RNLS: variants seen among roughly 807,000 people sequenced by gnomAD.
RNLS encodes renalase.
A neutral mutation model predicts 39.8 loss-of-function variants in RNLS; 39 were observed. The observed-to-expected ratio is 0.98, with a 90% CI of 0.76 to 1.28. The LOEUF is 1.28. Ranked by LOEUF, RNLS falls within the 50% of genes most tolerant of loss-of-function variation. The pLI is 0.00. For missense variants in RNLS, 410 were observed against 413.3 expected (o/e 0.99, Z 0.07); for synonymous variants, 147 against 150.7 (o/e 0.98, Z 0.18).
the RNLS span, among the ~76,000 whole-genome samples, chr10:88,216,209 G>T: frequency 1.3e-4 from 20 of 152,156 alleles, no homozygotes; most frequent in Admixed American, 3.3e-4. Flanking sequence ...TTAATAATAG[G>T]CTCCAAGTCT....
downstream of RNLS, among the ~76,000 whole-genome samples, chr10:88,283,825 G>A (rs138749870): frequency 6.8e-3 from 1,033 of 152,206 alleles, 16 homozygotes; most frequent in South Asian, 0.046. Context: ...GAGGGTGGGA[G>A]GGAGGAGAGG....
At chr10:88,425,181 C>T (rs938185684) in intron 4 of RNLS, among the ~76,000 whole-genome samples, 6 of 152,046 alleles carry the variant, frequency 3.9e-5, no homozygotes, top group East Asian at 1.9e-4. Context: ...TCTTTCCCCA[C>T]GCTTCATCAG....
At chr10:88,485,642 C>CAAAAAAAAAA (rs11366047) in intron 4 of RNLS, among the ~76,000 whole-genome samples, 1 of 104,856 alleles carries the variant, frequency 9.5e-6, no homozygotes. Flanking sequence ...AATGAAAAAC[C>CAAAAAAAAAA]AAAAAAAAAA....
At chr10:88,202,958 A>C in the RNLS span, among the ~76,000 whole-genome samples, 1 of 151,912 alleles carries the variant, frequency 6.6e-6, no homozygotes, top group African/African-American at 2.4e-5. Flanking sequence ...CTGCAGTTTA[A>C]ACTGCTCTTG....
intron 4 of RNLS, among the ~76,000 whole-genome samples, chr10:88,485,394 G>A (rs1310967677): frequency 1.3e-5 from 2 of 151,616 alleles, no homozygotes; most frequent in African/African-American, 4.8e-5. Context: ...GGAACAACTG[G>A]ATATCCATAT....
chr10:88,338,848 GCCT>G (rs2099100472), intron 5 of RNLS, among the ~76,000 whole-genome samples: 1 of 140,806 alleles, frequency 7.1e-6, no homozygotes, highest in Admixed American at 7.8e-5. Context: ...TGCAAGCTCC[GCCT>G]CCCGGGCTCA....
the RNLS span, among the ~76,000 whole-genome samples, chr10:88,196,819 T>C: frequency 1.3e-5 from 2 of 152,340 alleles, no homozygotes; most frequent in South Asian, 2.1e-4. Flanking sequence ...TACTCAGTAA[T>C]AGCCAATTGA....
At chr10:88,443,286 C>G (rs527283553) in intron 4 of RNLS, among the ~76,000 whole-genome samples, 1 of 152,324 alleles carries the variant, frequency 6.6e-6, no homozygotes, top group South Asian at 2.1e-4. Flanking sequence ...ACACCACCCT[C>G]CTGAAAATCC....
intron 4 of RNLS, among the ~76,000 whole-genome samples, chr10:88,567,741 C>T (rs964072464): frequency 2.6e-5 from 4 of 152,222 alleles, no homozygotes; most frequent in African/African-American, 9.6e-5. Flanking sequence ...ATTATTTCTG[C>T]ATAGTAGAAA....
At chr10:88,480,317 CT>C (rs1488857752) in intron 4 of RNLS, among the ~76,000 whole-genome samples, 1 of 152,206 alleles carries the variant, frequency 6.6e-6, no homozygotes, top group Non-Finnish European at 1.5e-5. Context: ...ATAATTACCC[CT>C]TAGGGGAAAT....
chr10:88,482,501 TC>T (rs1440917750), intron 4 of RNLS, among the ~76,000 whole-genome samples: 1 of 152,176 alleles, frequency 6.6e-6, no homozygotes, highest in Non-Finnish European at 1.5e-5. Context: ...AATTCTTTTT[TC>T]TTTTTATAAC....
intron 5 of RNLS, among the ~76,000 whole-genome samples, chr10:88,319,859 C>T (rs1316417471): frequency 6.6e-6 from 1 of 152,002 alleles, no homozygotes; most frequent in Non-Finnish European, 1.5e-5. Context: ...ACCTGGAAAA[C>T]ATATTGGAGA....
At chr10:88,350,602 G>A (rs1409227779) in intron 5 of RNLS, among the ~76,000 whole-genome samples, 1 of 152,138 alleles carries the variant, frequency 6.6e-6, no homozygotes, top group Non-Finnish European at 1.5e-5. Flanking sequence ...TGGTGTATAT[G>A]TGCCACATTT....
At chr10:88,443,216 T>A (rs182527865) in intron 4 of RNLS, among the ~76,000 whole-genome samples, 18 of 152,332 alleles carry the variant, frequency 1.2e-4, no homozygotes, top group East Asian at 3.9e-4. Context: ...TGCAATCCAA[T>A]TTTTTACATT....
chr10:88,238,318 C>G, the RNLS span, among the ~76,000 whole-genome samples: 1 of 152,218 alleles, frequency 6.6e-6, no homozygotes, highest in Non-Finnish European at 1.5e-5. Flanking sequence ...GCCTCCCCAG[C>G]TTCCCAGAGC....
At chr10:88,466,323 C>G (rs1219180712) in intron 4 of RNLS, among the ~76,000 whole-genome samples, 1 of 152,084 alleles carries the variant, frequency 6.6e-6, no homozygotes, top group Admixed American at 6.6e-5. Flanking sequence ...TAGCTCACAC[C>G]TGCAATCCCA....
intron 5 of RNLS, among the ~76,000 whole-genome samples, chr10:88,318,266 C>A (rs565803552): frequency 2.6e-5 from 4 of 152,164 alleles, no homozygotes; most frequent in Non-Finnish European, 5.9e-5. Flanking sequence ...GAGATCTCAC[C>A]CTTGGTGGGC....
Position 88,284,300 on chromosome 10 carries a change from T to C in RNLS, c.*1054A>G, listed in dbSNP as rs949595047. The C allele has an allele frequency of 3.0e-6, 3 of 985,240 alleles. No homozygotes were observed. The African/African-American group carries it at 5.2e-5, about 17-fold the overall frequency. The allele number at this position is 985,240 out of a possible 1,614,324, so 61.0% of individuals were successfully genotyped here. On this transcript the variant is annotated 3_prime_UTR_variant, in exon 7 of 7. Coordinates refer to ENST00000331772, the MANE Select transcript of RNLS (RefSeq NM_001031709.3). ...AGTCTTTTGTTGAACTTTTGTTAGT[T>C]TGAGAGGCTGCAATGATTTTTCTCC...
the RNLS span, among the ~76,000 whole-genome samples, chr10:88,260,099 T>C: frequency 6.6e-6 from 1 of 152,120 alleles, no homozygotes; most frequent in East Asian, 1.9e-4. Context: ...GTGTATGAAA[T>C]TCTAACAGTA....
Sources: allele counts gnomAD v4.1 joint callset (sites outside exome capture counted in the v4.1 genomes callset), GRCh38; gene constraint gnomAD v4.1.1; transcripts MANE v1.5; gene names NCBI Gene and HGNC (gene_info 2026-07-23, HGNC 2026-07-21).